The following PRKG1 variants were observed in gnomAD, a reference collection of about 807,000 sequenced individuals.
The protein encoded by PRKG1 is protein kinase cGMP-dependent 1.
PRKG1 carries 35 observed loss-of-function variants against 88.1 expected under a neutral mutation model. That is an observed-to-expected ratio of 0.40 (90% CI 0.30 to 0.53). PRKG1 has a LOEUF of 0.53. PRKG1 is among the 20% of genes least tolerant of loss of function. PRKG1 has a pLI of 0.59. For synonymous variants in PRKG1, 303 were observed against 292.5 expected, an observed-to-expected ratio of 1.04 and a Z score of -0.37; for missense variants, 540 against 839.8, an observed-to-expected ratio of 0.64 and a Z score of 4.41.
intron 1 of PRKG1, among the ~76,000 whole-genome samples, chr10:51,092,324 A>G (rs1844418505): frequency 6.6e-6 from 1 of 152,218 alleles, no homozygotes; most frequent in South Asian, 2.1e-4. Context: ...TTCGTGAAGA[A>G]AGTGGAGGGT....
rs965997737 is a variant in PRKG1, at chr10:51,795,122, T to A, written c.593-9463T>A. On this transcript the variant is annotated intron_variant, in intron 3 of 17. Coordinates refer to ENST00000373980, the MANE Select transcript of PRKG1 (RefSeq NM_006258.4). The stretch of plus-strand genomic sequence containing the variant: ...GTCAGTTTACATTTTAGAATCATTA[T>A]GTTGGTGAATTGGTTTCCAACAATT... 3.3e-5 allele frequency among the ~76,000 whole-genome samples: 5 copies of A among 152,284 alleles called. No homozygotes were observed. The East Asian group carries it at 9.7e-4, about 29-fold the overall frequency.
In PRKG1 at chr10:51,144,617, G is replaced by A. The variant is rs559671175; in HGVS notation, c.312-8547G>A. 1.2e-4 allele frequency among the ~76,000 whole-genome samples: 19 copies of A among 152,114 alleles called. No individual in the cohort carries two copies. In the South Asian group the frequency reaches 3.7e-3, roughly 30 times the overall value. ...GGTAACCACAGAGCTTTTATGACTA[G>A]GAGCATGATTGTTTGTTTTAAACTT... On this transcript the variant is annotated intron_variant, in intron 1 of 17. Coordinates refer to ENST00000373980, the MANE Select transcript of PRKG1 (RefSeq NM_006258.4).
chr10:52,038,958 C>T (rs111411819), intron 5 of PRKG1, among the ~76,000 whole-genome samples: 23,941 of 152,078 alleles, frequency 0.16, 2,283 homozygotes, highest in South Asian at 0.26. Flanking sequence ...AAGAAGAGGC[C>T]GCTTACCTGA....
chr10:52,166,914 C>CATAT (rs1838491133), intron 9 of PRKG1, among the ~76,000 whole-genome samples: 1 of 134,480 alleles, frequency 7.4e-6, no homozygotes, highest in African/African-American at 2.9e-5. Flanking sequence ...CACACACACA[C>CATAT]ACATATATAT....
chr10:51,452,550 A>G (rs1218561493), intron 2 of PRKG1, among the ~76,000 whole-genome samples: 1 of 149,568 alleles, frequency 6.7e-6, no homozygotes, highest in East Asian at 1.9e-4. Flanking sequence ...TGAGATGATC[A>G]TATGATTTTT....
At chr10:52,282,629 G>C (rs887977695) in intron 14 of PRKG1, among the ~76,000 whole-genome samples, 2 of 152,068 alleles carry the variant, frequency 1.3e-5, no homozygotes, top group African/African-American at 4.8e-5. Context: ...TGAAACAGGG[G>C]AGATGATAAT....
intron 5 of PRKG1, among the ~76,000 whole-genome samples, chr10:51,993,946 C>CTCCT (rs1218530034): frequency 6.6e-6 from 1 of 152,140 alleles, no homozygotes; most frequent in African/African-American, 2.4e-5. Context: ...AAAGGAGGGT[C>CTCCT]TCCTTCCTTC....
At chr10:52,244,805 GATATATTTAA>G (rs1446015935) in intron 9 of PRKG1, among the ~76,000 whole-genome samples, 14 of 134,856 alleles carry the variant, frequency 1.0e-4, no homozygotes, top group Non-Finnish European at 1.9e-4. Context: ...TATATATTTA[GATATATTTAA>G]ATATATTTAA....
intron 3 of PRKG1, among the ~76,000 whole-genome samples, chr10:51,680,620 G>A (rs938562967): frequency 2.0e-5 from 3 of 152,202 alleles, no homozygotes; most frequent in African/African-American, 7.2e-5. Flanking sequence ...TCTGTTTCAA[G>A]AAAACTTCCA....
chr10:51,223,679 C>A, intron 2 of PRKG1, among the ~76,000 whole-genome samples: 1 of 152,024 alleles, frequency 6.6e-6, no homozygotes, highest in Middle Eastern at 3.4e-3. Flanking sequence ...ATTCTTTTGG[C>A]CTATTTCCAT....
Position 51,468,001 on chromosome 10 carries a change from A to G in PRKG1, c.592+165A>G, listed in dbSNP as rs1490741912. The stretch of plus-strand genomic sequence containing the variant: ...TGTATTTGTTTTCCTACTAAAGGTG[A>G]TTGTTAACAATCAGTTTTGTATAAT... On this transcript the variant is annotated intron_variant, in intron 3 of 17. Coordinates refer to ENST00000373980, the MANE Select transcript of PRKG1 (RefSeq NM_006258.4). The G allele has an allele frequency of 5.0e-6, 3 of 602,312 alleles. No homozygotes were observed. The African/African-American group carries it at 5.6e-5, about 11-fold the overall frequency. 37.3% of individuals were successfully genotyped at this position (602,312 alleles called of 1,614,324 possible).
intron 3 of PRKG1, among the ~76,000 whole-genome samples, chr10:51,590,600 A>G (rs2132206406): frequency 6.6e-6 from 1 of 152,348 alleles, no homozygotes; most frequent in Middle Eastern, 3.4e-3. Context: ...ATTGCTTAGC[A>G]TAAAAATGCC....
At chr10:51,806,514 A>T (rs1306416623) in intron 4 of PRKG1, among the ~76,000 whole-genome samples, 2 of 152,196 alleles carry the variant, frequency 1.3e-5, no homozygotes, top group East Asian at 3.8e-4. Context: ...GGCTGAATAA[A>T]AAAAGAGGTG....
chr10:51,396,734 A>G (rs778209918), intron 2 of PRKG1, among the ~76,000 whole-genome samples: 6 of 152,220 alleles, frequency 3.9e-5, no homozygotes, highest in Non-Finnish European at 7.3e-5. Flanking sequence ...GATAATCTGT[A>G]TAATTCTTTT....
intron 3 of PRKG1, among the ~76,000 whole-genome samples, chr10:51,504,006 A>T (rs1841114930): frequency 1.3e-5 from 2 of 152,160 alleles, no homozygotes; most frequent in Admixed American, 6.6e-5. Flanking sequence ...GAACAAAAGT[A>T]AGACAGAAAG....
intron 1 of PRKG1, among the ~76,000 whole-genome samples, chr10:51,027,015 ATCTCTTACTCAGGACTTACTACATAAGTT>A (rs1346520430): frequency 7.8e-4 from 119 of 152,272 alleles, no homozygotes; most frequent in Non-Finnish European, 5.9e-5. Flanking sequence ...AAAAATCCAA[ATCTCTTACTCAGGACTTACTACATAAGTT>A]TTGGATCCCA....
chr10:51,766,429 G>A (rs191533953), intron 3 of PRKG1, among the ~76,000 whole-genome samples: 1 of 152,242 alleles, frequency 6.6e-6, no homozygotes, highest in African/African-American at 2.4e-5. Flanking sequence ...AGTCTCCTGA[G>A]TAGCCTTTCT....
intron 3 of PRKG1, among the ~76,000 whole-genome samples, chr10:51,579,939 C>A (rs1218975800): frequency 6.6e-6 from 1 of 152,032 alleles, no homozygotes; most frequent in South Asian, 2.1e-4. Context: ...TGGGATCTGG[C>A]AGTTACATTT....
chr10:52,169,571 A>G (rs999976951), intron 9 of PRKG1, among the ~76,000 whole-genome samples: 1 of 152,170 alleles, frequency 6.6e-6, no homozygotes, highest in Non-Finnish European at 1.5e-5. Flanking sequence ...AGTCTACAGC[A>G]GTGTGCTTCA....
Sources: gnomAD v4.1 joint callset for allele counts (sites outside exome capture counted in the v4.1 genomes callset) on GRCh38, gnomAD v4.1.1 for gene constraint, MANE v1.5 for transcripts, NCBI Gene and HGNC (gene_info 2026-07-23, HGNC 2026-07-21) for gene names.